Variants in STK10 observed in about 807,000 individuals in gnomAD.
STK10 encodes the protein serine/threonine kinase 10, also known as serine/threonine-protein kinase 10.
In STK10, 78 loss-of-function variants were observed where a neutral mutation model predicts 113.8. That is an observed-to-expected ratio of 0.69 (90% CI 0.57 to 0.83). The LOEUF is 0.83. Among genes scored for constraint, STK10 ranks in the 40% least tolerant of loss-of-function variants. STK10 has a pLI of 0.00. For missense variants in STK10, 1,109 were observed against 1,280.1 expected (o/e 0.87, Z 2.04); for synonymous variants, 465 against 494.7 (o/e 0.94, Z 0.80).
intron 10 of STK10, among the ~76,000 whole-genome samples, chr5:172,086,033 C>A (rs1228435612): frequency 6.6e-6 from 1 of 152,214 alleles, no homozygotes; most frequent in Non-Finnish European, 1.5e-5. Context: ...AATCTAGGCT[C>A]AGTCAGCTTT....
intron 2 of STK10, among the ~76,000 whole-genome samples, chr5:172,138,515 T>C (rs530319960): frequency 1.8e-3 from 264 of 149,068 alleles, no homozygotes; most frequent in African/African-American, 6.0e-3. Flanking sequence ...ACACATTTAG[T>C]TGCAGGTATA....
chr5:172,046,464 A>AT (rs1260768712), intron 18 of STK10, among the ~76,000 whole-genome samples: 1 of 152,098 alleles, frequency 6.6e-6, no homozygotes, highest in African/African-American at 2.4e-5. Flanking sequence ...CTGCTCTAGG[A>AT]ATACCAACAA....
intron 1 of STK10, among the ~76,000 whole-genome samples, chr5:172,174,094 G>GGGAGAGGCAACA (rs2113836424): frequency 1.0e-5 from 1 of 97,198 alleles, no homozygotes; most frequent in Admixed American, 1.0e-4. Flanking sequence ...GGCCTGTCCA[G>GGGAGAGGCAACA]GGAGAGGCAA....
rs755966454 is a variant in STK10, at chr5:172,093,555, C to T, written c.1411G>A (p.Glu471Lys). ...CCTGGAGCTGCCTGGGCAGGTGGCT[C>T]CAGGCTGCCATTGGCCAGCTTCTCC... Reference protein sequence around the residue: ...GGEKLANGSLEPPAQAAPGPS... With the variant: ...GGEKLANGSLKPPAQAAPGPS... Residue 471 changes from glutamate (E) to lysine (K), a missense_variant, in exon 9 of 19, where the codon GAG (glutamate) becomes AAG (lysine). Coordinates refer to ENST00000176763, the MANE Select transcript of STK10 (RefSeq NM_005990.4). The surrounding 1 kb of genome is among the most constrained non-coding windows in gnomAD (Gnocchi z 4.1). 6.2e-7 allele frequency: 1 copy of T among 1,614,086 alleles called. No homozygotes were observed.
intron 4 of STK10, among the ~76,000 whole-genome samples, chr5:172,114,289 C>CGTGTGTGTGTGTGTGT (rs111441878): frequency 1.4e-5 from 2 of 138,836 alleles, no homozygotes; most frequent in South Asian, 2.3e-4. Flanking sequence ...TAGCTACTCT[C>CGTGTGTGTGTGTGTGT]GTGTGTGTGT....
chr5:172,153,325 A>AAAGAAAGAAAGAAAGAAAGAAAG (rs1770283518), intron 2 of STK10, among the ~76,000 whole-genome samples: 1 of 141,888 alleles, frequency 7.0e-6, no homozygotes, highest in Non-Finnish European at 1.5e-5. Flanking sequence ...AGAAAGAAAG[A>AAAGAAAGAAAGAAAGAAAGAAAG]AATGTAAAAT....
At chr5:172,114,464 TATATA>T (rs1561813192) in intron 4 of STK10, 1 of 35,276 alleles carries the variant, frequency 2.8e-5, no homozygotes, top group Non-Finnish European at 5.9e-5. Context: ...TATATATATA[TATATA>T]TATATTTTTT....
At chr5:172,155,656 G>A (rs947538349) in intron 2 of STK10, among the ~76,000 whole-genome samples, 2 of 152,016 alleles carry the variant, frequency 1.3e-5, no homozygotes, top group Non-Finnish European at 2.9e-5. Flanking sequence ...CAGTAGAGAA[G>A]GGCACAGTCA....
chr5:172,097,806 T>C (rs915409555), intron 7 of STK10, among the ~76,000 whole-genome samples: 23 of 152,326 alleles, frequency 1.5e-4, no homozygotes, highest in Non-Finnish European at 3.4e-4. Context: ...GTATGTTCTA[T>C]TCTAGGTTTT....
At chr5:172,125,001 GT>G (rs1262729217) in intron 3 of STK10, among the ~76,000 whole-genome samples, 1 of 152,180 alleles carries the variant, frequency 6.6e-6, no homozygotes, top group Non-Finnish European at 1.5e-5. Context: ...CTTTGAGAGA[GT>G]TCTAATTCCT....
chr5:172,078,756 G>T (rs1768365163), intron 12 of STK10, among the ~76,000 whole-genome samples: 1 of 149,306 alleles, frequency 6.7e-6, no homozygotes, highest in African/African-American at 2.5e-5. Flanking sequence ...CGGAACCCCA[G>T]GTGCCAGATC....
chr5:172,095,512 G>A (rs1768828754), intron 8 of STK10, among the ~76,000 whole-genome samples: 1 of 152,194 alleles, frequency 6.6e-6, no homozygotes, highest in Non-Finnish European at 1.5e-5. Flanking sequence ...CAGTTTTCCT[G>A]TCTGTAAGCT....
intron 2 of STK10, among the ~76,000 whole-genome samples, chr5:172,150,481 C>CA (rs61247858): frequency 0.1 from 10,728 of 106,634 alleles, 952 homozygotes; most frequent in East Asian, 0.25. Context: ...AACAACACCT[C>CA]AAAAAAAAAA....
intron 3 of STK10, among the ~76,000 whole-genome samples, chr5:172,126,615 G>A (rs1769625045): frequency 6.6e-6 from 1 of 152,090 alleles, no homozygotes; most frequent in Admixed American, 6.6e-5. Context: ...AGGATTAGAG[G>A]AGGACCGCAT....
At chr5:172,097,975 C>G (rs1297191458) in intron 7 of STK10, among the ~76,000 whole-genome samples, 3 of 152,160 alleles carry the variant, frequency 2.0e-5, no homozygotes, top group African/African-American at 7.2e-5. Flanking sequence ...ACCCACCACG[C>G]TCACCGAAGG....
In STK10 at chr5:172,055,673, C is replaced by T. The variant is rs1478665301; in HGVS notation, c.2441G>A (p.Gly814Asp). The T allele has an allele frequency of 3.8e-6, 6 of 1,587,818 alleles. No homozygotes were observed. The highest frequency in any genetic ancestry group is 5.1e-6 in the Non-Finnish European group (6 of 1,165,262). The change falls in exon 16 of 19, where the codon GGC becomes GAC. Residue 814 changes from glycine to aspartate, a missense_variant. Physicochemically the swap from Gly to Asp is moderately conservative, Grantham distance 94. Around this residue, in one of 5 missense-constraint regions of STK10, gnomAD observed 885 missense variants for 991.1 expected, o/e 0.89. Coordinates refer to ENST00000176763, the MANE Select transcript of STK10 (RefSeq NM_005990.4). ...CTTGTACATGGCCATGCGCGTCTTG[C>T]CCTCACTCCTCTGGATCTTGGGCAG... ...ARLPKIQRSE[G>D]KTRMAMYKKS...
At chr5:172,167,805 C>T (rs527722306) in intron 1 of STK10, among the ~76,000 whole-genome samples, 67 of 152,334 alleles carry the variant, frequency 4.4e-4, no homozygotes, top group African/African-American at 1.6e-3. Context: ...CAGAACACTT[C>T]GATCACTGTA....
rs1479883037 is a variant in STK10, at chr5:172,043,489, T to A, written c.*1393A>T. 2.0e-5 allele frequency: 3 copies of A among 152,172 alleles called. No individual in the cohort carries two copies. Among genetic ancestry groups the A allele is most frequent in the Non-Finnish European group, 4.4e-5 (3 of 68,036 alleles). 9.4% of individuals were successfully genotyped at this position (152,172 alleles called of 1,614,324 possible). A position where few individuals can be genotyped will look rare whatever the true frequency, so the allele number is the denominator to read the frequency against. ...TTACTCCAAATCATTACCAGTTTTGTGTTGTTGTTCTTGTTTGTTGTTTTA... is the reference window on the plus strand; with the variant it reads ...TTACTCCAAATCATTACCAGTTTTGAGTTGTTGTTCTTGTTTGTTGTTTTA... On this transcript the variant is annotated 3_prime_UTR_variant, in exon 19 of 19. Coordinates refer to ENST00000176763, the MANE Select transcript of STK10 (RefSeq NM_005990.4).
intron 8 of STK10, among the ~76,000 whole-genome samples, chr5:172,095,766 C>T (rs1363893434): frequency 6.6e-6 from 1 of 152,198 alleles, no homozygotes; most frequent in African/African-American, 2.4e-5. Flanking sequence ...TAAGTCCAGC[C>T]CCTGCTTCTC....
Sources: gnomAD v4.1 joint callset for allele counts (sites outside exome capture counted in the v4.1 genomes callset) on GRCh38, gnomAD v4.1.1 for gene constraint, gnomAD v4.1.1 regional missense constraint, Gnocchi (gnomAD v3.1) non-coding constraint, MANE v1.5 for transcripts, NCBI Gene and HGNC (gene_info 2026-07-23, HGNC 2026-07-21) for gene names.